HIGD1C: variants seen among roughly 807,000 people sequenced by gnomAD.
The protein encoded by HIGD1C is HIG1 hypoxia inducible domain family member 1C, also known as HIG1 domain family member 1C.
Under a neutral mutation model 13.1 loss-of-function variants are expected in HIGD1C, and 11 were observed. The observed-to-expected ratio is 0.84, with a 90% CI of 0.53 to 1.39. The LOEUF is 1.39. HIGD1C is among the 40% of genes most tolerant of loss of function. The probability of loss-of-function intolerance (pLI) is 0.00; values close to 1 mark genes in which losing one functional copy is unlikely to be tolerated. For synonymous variants in HIGD1C, 36 were observed against 37.7 expected (o/e 0.95, Z 0.17); for missense variants, 110 against 112.0 (o/e 0.98, Z 0.08).
downstream of HIGD1C, among the ~76,000 whole-genome samples, chr12:50,970,884 TA>T (rs1159874031): frequency 4.7e-4 from 72 of 152,218 alleles, no homozygotes; most frequent in African/African-American, 1.6e-3. Flanking sequence ...TATTTTATTT[TA>T]TTTTATTTTT....
At chr12:50,950,106 G>A (rs1938862003), upstream of HIGD1C, among the ~76,000 whole-genome samples, 1 of 152,082 alleles carries the variant, frequency 6.6e-6, no homozygotes, top group Non-Finnish European at 1.5e-5. Context: ...ACACCTCACG[G>A]GTGACAGGAC....
At chr12:50,939,171 G>A in the HIGD1C span, among the ~76,000 whole-genome samples, 5 of 152,138 alleles carry the variant, frequency 3.3e-5, no homozygotes, top group East Asian at 1.9e-4. Flanking sequence ...ATTTTGAGAC[G>A]GAGTCTTGCT....
At chr12:50,954,173 T>C (rs1939002103) in intron 1 of HIGD1C, 81 bp downstream of exon 3, 1 of 813,732 alleles carries the variant, frequency 1.2e-6, no homozygotes, top group Admixed American at 2.4e-5. Context: ...GATTGAAATG[T>C]TTCTTATAAT....
At chr12:50,951,470 T>C (rs1481092534), upstream of HIGD1C, among the ~76,000 whole-genome samples, 4 of 152,190 alleles carry the variant, frequency 2.6e-5, no homozygotes, top group Non-Finnish European at 4.4e-5. Context: ...CAACTTTCTG[T>C]GTCTCCTGAT....
chr12:50,968,723 G>A (rs1244082830), intron 2 of HIGD1C, among the ~76,000 whole-genome samples: 1 of 151,926 alleles, frequency 6.6e-6, no homozygotes, highest in East Asian at 1.9e-4. Flanking sequence ...TGTATTTTTA[G>A]TAGAGATGGG....
chr12:50,963,673 C>T (rs1313300174), intron 2 of HIGD1C, among the ~76,000 whole-genome samples: 1 of 152,122 alleles, frequency 6.6e-6, no homozygotes, highest in Non-Finnish European at 1.5e-5. Flanking sequence ...AGTGAGCCAG[C>T]AGAGAAGCAA....
At chr12:50,947,621 T>A in the HIGD1C span, among the ~76,000 whole-genome samples, 2 of 152,134 alleles carry the variant, frequency 1.3e-5, no homozygotes, top group Admixed American at 1.3e-4. Context: ...TCCACAACCT[T>A]AATTTCCCTT....
chr12:50,955,637 A>G (rs1939065420), intron 1 of HIGD1C, among the ~76,000 whole-genome samples: 1 of 152,240 alleles, frequency 6.6e-6, no homozygotes, highest in Non-Finnish European at 1.5e-5. Flanking sequence ...AAGTGTCATT[A>G]TTCACATATC....
At chr12:50,933,530 C>G in the HIGD1C span, among the ~76,000 whole-genome samples, 18 of 152,222 alleles carry the variant, frequency 1.2e-4, no homozygotes, top group African/African-American at 4.3e-4. Context: ...TTATCAGGAG[C>G]CAGACAATCT....
the HIGD1C span, among the ~76,000 whole-genome samples, chr12:50,945,703 C>T: frequency 6.6e-6 from 1 of 152,156 alleles, no homozygotes; most frequent in African/African-American, 2.4e-5. Flanking sequence ...CTACCAATGA[C>T]TTTCTTCACA....
At chr12:50,937,641 G>A in the HIGD1C span, among the ~76,000 whole-genome samples, 12 of 152,070 alleles carry the variant, frequency 7.9e-5, no homozygotes, top group Non-Finnish European at 1.5e-4. Flanking sequence ...TTCTTGTTCC[G>A]TGTCCTGGAA....
rs1565962841 is a variant in HIGD1C at position 50,968,134 on chromosome 12, G to GAAT, written c.230-2308_230-2307insAAT. On this transcript the variant is annotated intron_variant, in intron 2 of 2. Transcript: ENST00000398455. Reference sequence around the variant, plus strand: ...AGGAGGAGGAGGAGGAGGAGAATGAGGAGGAGGAGGAGAAGGGATTTATTA... The same window carrying GAAT: ...AGGAGGAGGAGGAGGAGGAGAATGAGAATGAGGAGGAGGAGAAGGGATTTATTA... 2.3e-3 allele frequency among the ~76,000 whole-genome samples: 346 copies of GAAT among 151,446 alleles called. 1 individual carries two copies. The highest frequency in any genetic ancestry group is 7.8e-3 in the African/African-American group (320 of 41,150).
At chr12:50,946,968 T>A in the HIGD1C span, among the ~76,000 whole-genome samples, 4 of 152,330 alleles carry the variant, frequency 2.6e-5, no homozygotes, top group African/African-American at 4.8e-5. Flanking sequence ...ATCTGTGTAA[T>A]ATCTGATTCT....
At chr12:50,948,923 AG>A (rs1565952671), upstream of HIGD1C, among the ~76,000 whole-genome samples, 1 of 996 alleles carries the variant, frequency 1.0e-3, no homozygotes, top group African/African-American at 7.9e-3. Flanking sequence ...GGAGGGGGGG[AG>A]GGGGAGGGGA....
chr12:50,946,687 T>C, the HIGD1C span, among the ~76,000 whole-genome samples: 1 of 152,106 alleles, frequency 6.6e-6, no homozygotes, highest in Admixed American at 6.6e-5. Context: ...TCCTCAAGGA[T>C]CTAGAACTAG....
chr12:50,962,525 C>T (rs974397654), intron 2 of HIGD1C, among the ~76,000 whole-genome samples: 1 of 151,812 alleles, frequency 6.6e-6, no homozygotes, highest in African/African-American at 2.4e-5. Flanking sequence ...CATGGTGAAA[C>T]CCTATCTCTA....
chr12:50,941,769 C>T, the HIGD1C span, among the ~76,000 whole-genome samples: 1 of 152,202 alleles, frequency 6.6e-6, no homozygotes, highest in African/African-American at 2.4e-5. Context: ...CTTCCAATGC[C>T]TCCACTCTAC....
chr12:50,955,046 C>G (rs1207374597), intron 1 of HIGD1C, among the ~76,000 whole-genome samples: 1 of 152,142 alleles, frequency 6.6e-6, no homozygotes, highest in South Asian at 2.1e-4. Context: ...AATCCCAGCA[C>G]TTTGAGAGGC....
At chr12:50,947,999 G>A in the HIGD1C span, among the ~76,000 whole-genome samples, 1 of 152,192 alleles carries the variant, frequency 6.6e-6, no homozygotes, top group Non-Finnish European at 1.5e-5. Flanking sequence ...CAGAATAGTT[G>A]CAGGAAGAAC....
Sources: gnomAD v4.1 joint callset for allele counts (sites outside exome capture counted in the v4.1 genomes callset) on GRCh38, gnomAD v4.1.1 for gene constraint, MANE v1.5 for transcripts, NCBI Gene and HGNC (gene_info 2026-07-23, HGNC 2026-07-21) for gene names.